KANSL1: variants seen among roughly 807,000 people sequenced by gnomAD.
KANSL1 encodes MLL1/MLL complex subunit KANSL1.
Under a neutral mutation model 103.6 loss-of-function variants are expected in KANSL1, and 22 were observed. The observed-to-expected ratio is 0.21, with a 90% CI of 0.15 to 0.30. The LOEUF (loss-of-function observed/expected upper bound fraction) is 0.30, where lower values mean the gene tolerates loss of function less well. Ranked by LOEUF, KANSL1 falls within the 10% of genes least tolerant of loss-of-function variation. KANSL1 has a pLI of 1.00. For synonymous variants in KANSL1, 600 were observed against 527.6 expected (o/e 1.14, Z -1.88); for missense variants, 1,337 against 1,399.8 (o/e 0.96, Z 0.72).
At chr17:46,180,324 C>T (rs561117060) in intron 1 of KANSL1, among the ~76,000 whole-genome samples, 22 of 151,720 alleles carry the variant, frequency 1.5e-4, no homozygotes, top group East Asian at 1.2e-3. Context: ...GGTGAAAACC[C>T]GCCTCTAATA....
intron 6 of KANSL1, among the ~76,000 whole-genome samples, chr17:46,052,180 A>G (rs1262588990): frequency 6.6e-6 from 1 of 152,212 alleles, no homozygotes; most frequent in Non-Finnish European, 1.5e-5. Flanking sequence ...TTAGGATCCA[A>G]AAATTACACT....
rs2077028524 is a variant in KANSL1 at position 46,032,177 on chromosome 17, T to C, written c.2960A>G (p.Gln987Arg). Residue 987 changes from glutamine (Q) to arginine (R), a missense_variant, in exon 14 of 15, where the codon CAG becomes CGG. Gln to Arg is a conservative substitution (Grantham distance 43). This residue lies in a region of KANSL1 where 780 missense variants were observed against 923.4 expected (regional missense o/e 0.84). Transcript: ENST00000432791. ...CGGGCTAATGGGGCTCCTAGGGGAC[T>C]GACCATGGGAGTATTCTGACAAAGA... ...SHSLSEYSHG[Q>R]SPRSPISPEL... is the part of the protein sequence containing the mutation. 1 of 1,612,720 alleles carries C rather than the reference T, an allele frequency of 6.2e-7. No homozygotes were observed. The highest frequency in any genetic ancestry group is 8.5e-7 in the Non-Finnish European group (1 of 1,179,082).
At chr17:46,177,128 T>C (rs2532257) in intron 1 of KANSL1, among the ~76,000 whole-genome samples, 21,953 of 152,244 alleles carry the variant, frequency 0.14, 2,136 homozygotes, top group Middle Eastern at 0.22. Flanking sequence ...TGTAGGTTAC[T>C]TAACTATTCT....
chr17:46,194,866 T>TG (rs1363690615), upstream of KANSL1, among the ~76,000 whole-genome samples: 13 of 152,252 alleles, frequency 8.5e-5, no homozygotes, highest in Admixed American at 8.5e-4. Context: ...CTAACTCACC[T>TG]GCCCCTGCAA....
At chr17:46,170,123 C>G (rs2147720646) in intron 2 of KANSL1, among the ~76,000 whole-genome samples, 1 of 151,542 alleles carries the variant, frequency 6.6e-6, no homozygotes, top group South Asian at 2.1e-4. Flanking sequence ...GCACTCCAGC[C>G]TGGGCGACAG....
intron 6 of KANSL1, among the ~76,000 whole-genome samples, chr17:46,063,496 T>C (rs1177103877): frequency 6.6e-6 from 1 of 152,150 alleles, no homozygotes; most frequent in African/African-American, 2.4e-5. Flanking sequence ...ACAGAAGGAA[T>C]GGGGTGTGTC....
intron 2 of KANSL1, among the ~76,000 whole-genome samples, chr17:46,153,997 T>C (rs1159768873): frequency 6.6e-6 from 1 of 152,244 alleles, no homozygotes; most frequent in Admixed American, 6.5e-5. Context: ...CACTCAACTA[T>C]ACCCCCCTCT....
At chr17:46,169,897 A>G (rs2046192612) in intron 2 of KANSL1, among the ~76,000 whole-genome samples, 1 of 152,198 alleles carries the variant, frequency 6.6e-6, no homozygotes, top group South Asian at 2.1e-4. Flanking sequence ...AACCAGTAAG[A>G]TGAGGTGGGC....
chr17:46,196,584 C>T (rs1455332762), upstream of KANSL1: 2 of 370,970 alleles, frequency 5.4e-6, no homozygotes, highest in African/African-American at 4.3e-5. Context: ...AGCATTAAGC[C>T]ACTGTATCAA....
chr17:46,052,794 T>TA (rs35162336), intron 6 of KANSL1, among the ~76,000 whole-genome samples: 11,609 of 118,194 alleles, frequency 0.098, 973 homozygotes, highest in African/African-American at 0.24. Flanking sequence ...AATTTAAAAT[T>TA]AAAAAAAAAA....
intron 2 of KANSL1, among the ~76,000 whole-genome samples, chr17:46,143,497 A>T (rs1028304157): frequency 4.6e-5 from 7 of 151,678 alleles, no homozygotes; most frequent in African/African-American, 1.7e-4. Context: ...TTCGTCTCAA[A>T]AAATAAATAA....
At position 46,171,271 on chromosome 17, in the gene KANSL1, C is replaced by T. The variant is rs765096152; in HGVS notation, c.873G>A (p.Gln291=). 6.2e-7 allele frequency: 1 copy of T among 1,614,140 alleles called. No individual in the cohort carries two copies. Among genetic ancestry groups the T allele is most frequent in the Non-Finnish European group, 8.5e-7 (1 of 1,180,044 alleles). The change falls in exon 2 of 15, where the codon CAG becomes CAA. Residue 291 remains glutamine, a synonymous_variant. Coordinates refer to ENST00000432791, the MANE Select transcript of KANSL1 (RefSeq NM_015443.4). ...DTRITALLRR[Q]ADIESRARRL... is the part of the protein sequence containing the mutation. The stretch of plus-strand genomic sequence containing the variant: ...TGCGGGCACGGCTCTCAATGTCAGC[C>T]TGTCGCCGCAGTAAAGCTGTTATCC...
chr17:46,188,746 A>G (rs2047152415), intron 1 of KANSL1, among the ~76,000 whole-genome samples: 1 of 152,176 alleles, frequency 6.6e-6, no homozygotes, highest in Admixed American at 6.5e-5. Flanking sequence ...AAGACAAGCA[A>G]GGGGCCAGGC....
At chr17:46,214,274 G>C (rs1187203943) in intron 1 of KANSL1, among the ~76,000 whole-genome samples, 1 of 152,220 alleles carries the variant, frequency 6.6e-6, no homozygotes, top group Non-Finnish European at 1.5e-5. Flanking sequence ...GTGACTCTCA[G>C]CTTTTCCACT....
At chr17:46,220,005 A>T (rs1448807914) in intron 1 of KANSL1, among the ~76,000 whole-genome samples, 9 of 152,034 alleles carry the variant, frequency 5.9e-5, no homozygotes, top group African/African-American at 1.7e-4. Flanking sequence ...CGGGAGGCTG[A>T]GGCAGGAGAA....
At chr17:46,032,934 G>A in intron 13 of KANSL1, 146 bp downstream of exon 13, 1 of 635,178 alleles carries the variant, frequency 1.6e-6, no homozygotes, top group Non-Finnish European at 2.7e-6. Context: ...CAAACACCAA[G>A]GAAATTCTGA....
At chr17:46,130,065 A>G (rs1457336464) in intron 2 of KANSL1, among the ~76,000 whole-genome samples, 1 of 147,342 alleles carries the variant, frequency 6.8e-6, no homozygotes, top group Non-Finnish European at 1.5e-5. Context: ...ATGTGCCTGT[A>G]GTCCCAGATG....
Position 46,171,385 on chromosome 17 carries a change from G to A in KANSL1, c.759C>T (p.Asp253=). ...QGSSRLSPGT[D]SSSNLGGVKL... ...TGACACCCCCCAAGTTAGAGCTGGA[G>A]TCTGTACCAGGTGATAATCTACTGC... Residue 253 remains aspartate (D), a synonymous_variant, in exon 2 of 15, where the codon GAC becomes GAT. Coordinates refer to ENST00000432791, the MANE Select transcript of KANSL1 (RefSeq NM_015443.4). 2 of 1,614,174 alleles carry A rather than the reference G, an allele frequency of 1.2e-6. No individual in the cohort carries two copies. The highest frequency in any genetic ancestry group is 1.7e-6 in the Non-Finnish European group (2 of 1,180,026).
chr17:46,030,239 TA>T lies in KANSL1; in HGVS notation c.*1236del, dbSNP rs1308475611. On this transcript the variant is annotated 3_prime_UTR_variant, in exon 15 of 15. Transcript: ENST00000432791. ...TGCATAGGGATATGGTGCATTATTG[TA>T]TTTTTTTTTAAAGAAACAATGACAA... 6.8e-6 allele frequency: 1 copy of T among 146,844 alleles called. No individual in the cohort carries two copies. The highest frequency in any genetic ancestry group is 1.6e-5 in the Non-Finnish European group (1 of 64,310). The allele number at this position is 146,844 out of a possible 1,614,324, so 9.1% of individuals were successfully genotyped here. A position where few individuals can be genotyped will look rare whatever the true frequency, so the allele number is the denominator to read the frequency against.
Sources: gnomAD v4.1 joint callset for allele counts (sites outside exome capture counted in the v4.1 genomes callset) on GRCh38, gnomAD v4.1.1 for gene constraint, gnomAD v4.1.1 regional missense constraint, MANE v1.5 for transcripts, NCBI Gene and HGNC (gene_info 2026-07-23, HGNC 2026-07-21) for gene names.